PHF6: variants seen among roughly 807,000 people sequenced by gnomAD.
The protein encoded by PHF6 is PHD-like zinc finger protein.
A neutral mutation model predicts 34.0 loss-of-function variants in PHF6; 7 were observed. That is an observed-to-expected ratio of 0.21 (90% CI 0.12 to 0.39). The LOEUF (loss-of-function observed/expected upper bound fraction) is 0.39, where lower values mean the gene tolerates loss of function less well. PHF6 is among the 10% of genes least tolerant of loss of function. PHF6 has a pLI of 1.00. For missense variants in PHF6, 128 were observed against 262.8 expected, an observed-to-expected ratio of 0.49 and a Z score of 3.55; for synonymous variants, 89 against 88.4, an observed-to-expected ratio of 1.01 and a Z score of -0.04.
intron 9 of PHF6, 46 bp downstream of exon 9, chrX:134,417,348 G>A (rs756755647): frequency 2.2e-5 from 26 of 1,160,120 alleles, no homozygotes; most frequent in African/African-American, 3.6e-5. Flanking sequence ...GTTAGTAACC[G>A]TCCTTAAATA....
intron 3 of PHF6, among the ~76,000 whole-genome samples, chrX:134,390,966 C>CTTTTTTTT (rs60513999): frequency 1.6e-4 from 15 of 92,790 alleles, no homozygotes; most frequent in South Asian, 5.0e-4. Context: ...TTCTTTTTTT[C>CTTTTTTTT]TTTTTTTTTT....
intron 3 of PHF6, among the ~76,000 whole-genome samples, chrX:134,386,957 G>T (rs1210038223): frequency 9.0e-6 from 1 of 111,549 alleles, no homozygotes; most frequent in Non-Finnish European, 1.9e-5. Context: ...AGGCCCACAG[G>T]ATGCCTTCTG....
intron 9 of PHF6, chrX:134,418,791 A>T (rs1307716422): frequency 9.0e-6 from 1 of 111,181 alleles, no homozygotes. Flanking sequence ...ACCAAACCTA[A>T]CAAAGATACG....
In PHF6 at chrX:134,408,245, A is replaced by G. The variant is rs1196259254; in HGVS notation, c.419-5246A>G. 2.7e-5 allele frequency among the ~76,000 whole-genome samples: 3 copies of G among 112,608 alleles called. No homozygotes were observed. The Admixed American group carries it at 2.8e-4, about 11-fold the overall frequency. On this transcript the variant is annotated intron_variant, in intron 5 of 10. Transcript: ENST00000370803. Reference sequence around the variant, plus strand: ...GTCCAGGCCTAAGGATTTATCTATTAATAAAATTGGTTATATCTGCTTCTT... The same window carrying G: ...GTCCAGGCCTAAGGATTTATCTATTGATAAAATTGGTTATATCTGCTTCTT...
chrX:134,416,806 T>C (rs377289491), intron 8 of PHF6, among the ~76,000 whole-genome samples: 2 of 112,002 alleles, frequency 1.8e-5, no homozygotes, highest in Admixed American at 1.9e-4. Flanking sequence ...TTCTGGTTTC[T>C]TATTCTTTCC....
chrX:134,404,986 T>C (rs1352190235), intron 5 of PHF6, among the ~76,000 whole-genome samples: 3 of 111,927 alleles, frequency 2.7e-5, no homozygotes, highest in Non-Finnish European at 5.6e-5. Context: ...TAACTTGCTT[T>C]ACTGTGGTAG....
rs2077509312 is a variant in PHF6, at chrX:134,426,862, G to A, written c.*1202G>A. On this transcript the variant is annotated 3_prime_UTR_variant, in exon 11 of 11. Coordinates refer to ENST00000370803, the MANE Select transcript of PHF6 (RefSeq NM_001015877.2). Reference sequence around the variant, plus strand: ...GCAAAACCAAATAACTTTAGTTGTGGTCTGCCTGATACTACCATAGCACCT... The same window carrying A: ...GCAAAACCAAATAACTTTAGTTGTGATCTGCCTGATACTACCATAGCACCT... 1 of 164,987 alleles carries A rather than the reference G, an allele frequency of 6.1e-6. No homozygotes were observed. The highest frequency in any genetic ancestry group is 1.2e-5 in the Non-Finnish European group (1 of 84,677). 13.6% of individuals were successfully genotyped at this position (164,987 alleles called of 1,213,427 possible).
intron 3 of PHF6, among the ~76,000 whole-genome samples, chrX:134,378,394 T>C (rs771737752): frequency 1.8e-5 from 2 of 112,037 alleles, no homozygotes; most frequent in African/African-American, 6.5e-5. Context: ...GTTTGGTTAA[T>C]TTGAGTATAT....
intron 9 of PHF6, among the ~76,000 whole-genome samples, 178 bp from the exon 10 acceptor site, chrX:134,425,023 G>A (rs781590891): frequency 6.8e-4 from 76 of 111,712 alleles, no homozygotes; most frequent in African/African-American, 2.3e-3. Context: ...CTCAATAATA[G>A]TGTGTTTTCC....
intron 3 of PHF6, among the ~76,000 whole-genome samples, chrX:134,381,422 G>C (rs1353957647): frequency 9.0e-6 from 1 of 110,505 alleles, no homozygotes; most frequent in Non-Finnish European, 1.9e-5. Context: ...ATAGGAGGGG[G>C]GAAAAAGAGT....
At chrX:134,406,245 T>C (rs902419078) in intron 5 of PHF6, among the ~76,000 whole-genome samples, 3 of 110,445 alleles carry the variant, frequency 2.7e-5, no homozygotes, top group Admixed American at 2.0e-4. Context: ...AACAATTAAA[T>C]AGAATTTTAT....
chrX:134,411,616 A>G (rs2077451167), intron 5 of PHF6, among the ~76,000 whole-genome samples: 1 of 111,697 alleles, frequency 9.0e-6, no homozygotes, highest in Admixed American at 9.5e-5. Flanking sequence ...ATAACTGAAT[A>G]TATTATGTGT....
At chrX:134,416,212 G>A (rs181144687) in intron 8 of PHF6, among the ~76,000 whole-genome samples, 144 of 110,686 alleles carry the variant, frequency 1.3e-3, no homozygotes, top group Non-Finnish European at 1.8e-3. Context: ...CACCCACCTC[G>A]GCTTCCCAAA....
chrX:134,381,671 A>G (rs921901647), intron 3 of PHF6, among the ~76,000 whole-genome samples: 29 of 109,800 alleles, frequency 2.6e-4, no homozygotes, highest in African/African-American at 9.6e-4. Context: ...ATTTTTTTGT[A>G]TTTAGTAGAG....
chrX:134,420,675 C>T (rs1325090025), intron 9 of PHF6, among the ~76,000 whole-genome samples: 1 of 110,946 alleles, frequency 9.0e-6, no homozygotes, highest in African/African-American at 3.3e-5. Context: ...TCACTGCAGC[C>T]TTGACCTCCT....
chrX:134,388,336 C>T (rs777464654), intron 3 of PHF6, among the ~76,000 whole-genome samples: 1 of 111,848 alleles, frequency 8.9e-6, no homozygotes, highest in East Asian at 2.8e-4. Context: ...AAGCTGCTTT[C>T]ACTTTGTTTT....
intron 5 of PHF6, among the ~76,000 whole-genome samples, chrX:134,409,262 G>T (rs747002165): frequency 9.0e-6 from 1 of 111,179 alleles, no homozygotes; most frequent in Non-Finnish European, 1.9e-5. Context: ...ATCCAGTTGT[G>T]CCATTATGTC....
intron 5 of PHF6, among the ~76,000 whole-genome samples, chrX:134,409,980 G>C (rs1357081300): frequency 9.0e-6 from 1 of 111,374 alleles, no homozygotes; most frequent in Non-Finnish European, 1.9e-5. Context: ...TATGGCTACA[G>C]GATATTCCAT....
chrX:134,386,828 GTC>G (rs2077333842), intron 3 of PHF6, among the ~76,000 whole-genome samples: 1 of 112,158 alleles, frequency 8.9e-6, no homozygotes, highest in Non-Finnish European at 1.9e-5. Context: ...AAGCTATGTG[GTC>G]TCAGTTGAAA....
Sources: gnomAD v4.1 joint callset for allele counts (sites outside exome capture counted in the v4.1 genomes callset) on GRCh38, gnomAD v4.1.1 for gene constraint, MANE v1.5 for transcripts, NCBI Gene and HGNC (gene_info 2026-07-23, HGNC 2026-07-21) for gene names.